Variants in ASAH2 observed in about 807,000 individuals in gnomAD.
ASAH2 encodes the protein neutral ceramidase.
A neutral mutation model predicts 82.9 loss-of-function variants in ASAH2; 58 were observed. That is an observed-to-expected ratio of 0.70 (90% CI 0.57 to 0.87). The LOEUF is 0.87. Ranked by LOEUF, ASAH2 falls within the 40% of genes least tolerant of loss-of-function variation. The probability of loss-of-function intolerance (pLI) is 0.00; values close to 1 mark genes in which losing one functional copy is unlikely to be tolerated. For synonymous variants in ASAH2, 276 were observed against 289.7 expected, an observed-to-expected ratio of 0.95 and a Z score of 0.48; for missense variants, 779 against 834.0, an observed-to-expected ratio of 0.93 and a Z score of 0.81.
chr10:50,245,686 A>G (rs1305441757), intron 2 of ASAH2, among the ~76,000 whole-genome samples: 1 of 152,090 alleles, frequency 6.6e-6, no homozygotes, highest in Non-Finnish European at 1.5e-5. Context: ...ATATCCTTCA[A>G]CTCCTCATCA....
At chr10:50,213,201 C>A in intron 9 of ASAH2, 143 bp from the exon 10 acceptor site, 1 of 767,370 alleles carries the variant, frequency 1.3e-6, no homozygotes, top group Non-Finnish European at 2.3e-6. Context: ...AAAGTACAAA[C>A]TATAAAAACA....
Position 50,236,024 on chromosome 10 carries a change from C to A in ASAH2, c.551G>T (p.Arg184Ile). ...RLQSKYGSLYRRDNVILSGTH... is the reference protein window; with the variant it reads ...RLQSKYGSLYIRDNVILSGTH... ...GCCACTCAGGATGACATTATCTCTT[C>A]TGTACAGGGAGCCATATTTACTCTG... The change falls in exon 5 of 21, where the codon AGA becomes ATA. Residue 184 changes from arginine to isoleucine, a missense_variant. Physicochemically the swap from Arg to Ile is moderately conservative, Grantham distance 97 (BLOSUM62 -3). This residue lies in a region of ASAH2 where 759 missense variants were observed against 755.2 expected (regional missense o/e 1.00). Coordinates refer to ENST00000682911, the MANE Select transcript of ASAH2 (RefSeq NM_019893.4). The A allele has an allele frequency of 6.2e-6, 10 of 1,613,298 alleles. No individual in the cohort carries two copies. The highest frequency in any genetic ancestry group is 8.5e-6 in the Non-Finnish European group (10 of 1,179,430).
In ASAH2 at chr10:50,210,901, T is replaced by A; in HGVS notation, c.1336A>T (p.Lys446Ter). ...TVWLNSTHAS[K>*]TCKPALGYSF... ...TAGCCCAATGCTGGTTTACATGTTT[T>A]TGACTAAAGGAAAAGTTTTAAAAAC... The change falls in exon 12 of 21, where the codon AAA becomes TAA. Residue 446 changes from lysine (K) to a stop codon, truncating the protein, a stop_gained. Transcript: ENST00000682911. LOFTEE classifies it high-confidence loss of function. 6.2e-7 allele frequency: 1 copy of A among 1,613,494 alleles called. No homozygotes were observed. The highest frequency in any genetic ancestry group is 8.5e-7 in the Non-Finnish European group (1 of 1,179,508).
intron 18 of ASAH2, among the ~76,000 whole-genome samples, chr10:50,195,112 A>C (rs1844941824): frequency 6.6e-6 from 1 of 151,526 alleles, no homozygotes; most frequent in Middle Eastern, 3.4e-3. Flanking sequence ...GACAACCTAA[A>C]GAATGGGAGA....
At chr10:50,225,861 C>A (rs904198572) in intron 7 of ASAH2, among the ~76,000 whole-genome samples, 2 of 152,146 alleles carry the variant, frequency 1.3e-5, no homozygotes, top group Admixed American at 1.3e-4. Flanking sequence ...GAGGCCGAGG[C>A]GGGCAGATCA....
At chr10:50,226,051 C>T (rs1044173065) in intron 7 of ASAH2, among the ~76,000 whole-genome samples, 1 of 151,790 alleles carries the variant, frequency 6.6e-6, no homozygotes, top group Non-Finnish European at 1.5e-5. Context: ...CAAGATTGCA[C>T]CACTGCACTC....
At chr10:50,214,492 G>T (rs1845545353) in intron 9 of ASAH2, among the ~76,000 whole-genome samples, 1 of 152,110 alleles carries the variant, frequency 6.6e-6, no homozygotes, top group Non-Finnish European at 1.5e-5. Context: ...GAAGGGTAGA[G>T]TTAATCTCTG....
chr10:50,235,893 A>G lies in ASAH2; in HGVS notation c.682T>C (p.Leu228=), dbSNP rs1046337008. The change falls in exon 5 of 21, where the codon TTG becomes CTG. Residue 228 remains leucine (L), a synonymous_variant. Transcript: ENST00000682911. Reference sequence around the variant, plus strand: ...CTCTGGGGCTCTTTGCCTACCTTCAAGATACCAGTGACCATGTGCTGAAAA... The same window carrying G: ...CTCTGGGGCTCTTTGCCTACCTTCAGGATACCAGTGACCATGTGCTGAAAA... The part of the protein sequence containing the change: ...QTFQHMVTGI[L]KSIDIAHTNM... 8 of 1,613,124 alleles carry G rather than the reference A, an allele frequency of 5.0e-6. No homozygotes were observed. In the Admixed American group the frequency reaches 1.2e-4, roughly 24 times the overall value.
intron 8 of ASAH2, 103 bp from the exon 9 acceptor site, chr10:50,214,971 A>G: frequency 6.3e-6 from 9 of 1,427,918 alleles, no homozygotes; most frequent in Non-Finnish European, 7.7e-6. Context: ...ACTATTCAAA[A>G]TCATTTGCAG....
intron 12 of ASAH2, among the ~76,000 whole-genome samples, chr10:50,206,624 A>T (rs1467777754): frequency 6.6e-6 from 1 of 151,432 alleles, no homozygotes; most frequent in African/African-American, 2.4e-5. Context: ...AATCTGGGGT[A>T]AAAGGTTTTG....
At chr10:50,250,357 A>G (rs1846582909) in intron 1 of ASAH2, among the ~76,000 whole-genome samples, 1 of 152,136 alleles carries the variant, frequency 6.6e-6, no homozygotes, top group Admixed American at 6.5e-5. Context: ...CATCTTCCCA[A>G]ATTTTCTGGT....
chr10:50,210,948 A>G (rs1379891482), intron 11 of ASAH2, 44 bp from the exon 12 acceptor site: 70 of 1,606,118 alleles, frequency 4.4e-5, no homozygotes, highest in Non-Finnish European at 5.7e-5. Flanking sequence ...GAAAAAGACA[A>G]AAGTTAAACT....
intron 4 of ASAH2, among the ~76,000 whole-genome samples, chr10:50,236,737 A>G (rs1297879603): frequency 2.6e-5 from 4 of 152,126 alleles, no homozygotes; most frequent in African/African-American, 9.7e-5. Context: ...TGTTAAGCCC[A>G]TTTTTAGCTG....
At chr10:50,242,015 C>T (rs1365508964) in intron 4 of ASAH2, among the ~76,000 whole-genome samples, 5 of 151,890 alleles carry the variant, frequency 3.3e-5, no homozygotes, top group Non-Finnish European at 7.4e-5. Flanking sequence ...TGCACATGTA[C>T]CCCAGAACTT....
Position 50,212,695 on chromosome 10 carries a change from G to A in ASAH2, c.1227+277C>T, listed in dbSNP as rs1845489323. Among the ~76,000 whole-genome samples, 7 of 152,252 alleles carry A rather than the reference G, an allele frequency of 4.6e-5. No individual in the cohort carries two copies. The South Asian group carries it at 1.5e-3, about 32-fold the overall frequency. On this transcript the variant is annotated intron_variant, in intron 10 of 20. Coordinates refer to ENST00000682911, the MANE Select transcript of ASAH2 (RefSeq NM_019893.4). The stretch of plus-strand genomic sequence containing the variant: ...TATAGTCTATGTTCCTAGTGTCTAA[G>A]CAAGCACTCTGGCTTTCTAGACATT...
intron 8 of ASAH2, 125 bp downstream of exon 8, chr10:50,218,385 C>T: frequency 7.5e-7 from 1 of 1,338,306 alleles, no homozygotes. Flanking sequence ...TCTATTCAAG[C>T]ATACCAATAT....
At chr10:50,227,233 A>T (rs988364853) in intron 7 of ASAH2, among the ~76,000 whole-genome samples, 1 of 152,216 alleles carries the variant, frequency 6.6e-6, no homozygotes, top group Non-Finnish European at 1.5e-5. Flanking sequence ...AAAAATATAC[A>T]TGGCAAATTC....
chr10:50,198,793 TA>T (rs1441113215), intron 17 of ASAH2, among the ~76,000 whole-genome samples: 4 of 150,950 alleles, frequency 2.6e-5, no homozygotes, highest in Non-Finnish European at 4.4e-5. Context: ...TGAGAAAATA[TA>T]TATGAAAGAA....
At chr10:50,219,927 A>G (rs895347242) in intron 7 of ASAH2, among the ~76,000 whole-genome samples, 7 of 152,204 alleles carry the variant, frequency 4.6e-5, no homozygotes, top group African/African-American at 1.7e-4. Flanking sequence ...GGGAGTATAA[A>G]CCAGTGCTGC....
Sources: gnomAD v4.1 joint callset for allele counts (sites outside exome capture counted in the v4.1 genomes callset) on GRCh38, gnomAD v4.1.1 for gene constraint, gnomAD v4.1.1 regional missense constraint, MANE v1.5 for transcripts, NCBI Gene and HGNC (gene_info 2026-07-23, HGNC 2026-07-21) for gene names.